MRPL1: variants seen among roughly 807,000 people sequenced by gnomAD.
The protein encoded by MRPL1 is large ribosomal subunit protein uL1m.
MRPL1 carries 28 observed loss-of-function variants against 38.0 expected under a neutral mutation model. The observed-to-expected ratio is 0.74, with a 90% confidence interval of 0.55 to 1.01. MRPL1 has a LOEUF of 1.01. Ranked by LOEUF, MRPL1 falls within the 50% of genes least tolerant of loss-of-function variation. The pLI, the probability that MRPL1 is intolerant of heterozygous loss-of-function variation, is 0.00. For synonymous variants in MRPL1, 123 were observed against 126.7 expected, an observed-to-expected ratio of 0.97 and a Z score of 0.20; for missense variants, 358 against 389.8, an observed-to-expected ratio of 0.92 and a Z score of 0.69.
chr4:77,862,841 T>C lies in MRPL1; in HGVS notation c.-8T>C, dbSNP rs774102568. ...ACAATTTCGTGAACGCAATCCGGAGTGCCCAACATGGCGGCGGCCGTAAGG... is the reference window on the plus strand; with the variant it reads ...ACAATTTCGTGAACGCAATCCGGAGCGCCCAACATGGCGGCGGCCGTAAGG... On this transcript the variant is annotated 5_prime_UTR_variant, in exon 1 of 9. Transcript: ENST00000315567. 1.9e-5 allele frequency: 30 copies of C among 1,613,830 alleles called. No individual in the cohort carries two copies. In the South Asian group the frequency reaches 3.3e-4, roughly 18 times the overall value.
At chr4:77,891,613 C>T (rs1191411288) in intron 5 of MRPL1, among the ~76,000 whole-genome samples, 1 of 152,170 alleles carries the variant, frequency 6.6e-6, no homozygotes, top group Non-Finnish European at 1.5e-5. Flanking sequence ...GCCTTGGCCT[C>T]CCAAAATGTT....
intron 7 of MRPL1, among the ~76,000 whole-genome samples, chr4:77,934,549 G>A (rs921932647): frequency 6.6e-5 from 10 of 152,096 alleles, no homozygotes; most frequent in African/African-American, 1.2e-4. Flanking sequence ...AAGTGTTGAC[G>A]AGGATATAGG....
chr4:77,942,997 G>A (rs1161114529), intron 7 of MRPL1, among the ~76,000 whole-genome samples: 1 of 152,070 alleles, frequency 6.6e-6, no homozygotes, highest in Non-Finnish European at 1.5e-5. Context: ...TTTTAAGGAG[G>A]TTCATTTTGG....
intron 7 of MRPL1, among the ~76,000 whole-genome samples, chr4:77,916,959 T>C (rs1736436457): frequency 6.6e-6 from 1 of 152,244 alleles, no homozygotes; most frequent in Non-Finnish European, 1.5e-5. Context: ...CTTTATACCC[T>C]CACTAGCATT....
intron 5 of MRPL1, among the ~76,000 whole-genome samples, chr4:77,893,662 T>A (rs1423910466): frequency 6.6e-6 from 1 of 152,194 alleles, no homozygotes; most frequent in East Asian, 1.9e-4. Flanking sequence ...TTTCAGTTCT[T>A]TGTGAAAGTA....
At chr4:77,949,719 A>G in intron 7 of MRPL1, 78 bp from the exon 8 acceptor site, 2 of 1,017,584 alleles carry the variant, frequency 2.0e-6, no homozygotes, top group South Asian at 3.1e-5. Context: ...TTGGTTGACT[A>G]TTTGAAAAAT....
chr4:77,880,291 G>T, intron 2 of MRPL1, among the ~76,000 whole-genome samples: 1 of 152,118 alleles, frequency 6.6e-6, no homozygotes, highest in African/African-American at 2.4e-5. Flanking sequence ...ACATTCTTTA[G>T]CTCATGGCCC....
intron 1 of MRPL1, among the ~76,000 whole-genome samples, chr4:77,870,682 G>A (rs767296283): frequency 6.6e-6 from 1 of 152,166 alleles, no homozygotes; most frequent in Non-Finnish European, 1.5e-5. Context: ...TTTCTAAAAA[G>A]ATGCATAAGG....
chr4:77,951,745 C>T (rs907071911), intron 8 of MRPL1, among the ~76,000 whole-genome samples: 10 of 152,086 alleles, frequency 6.6e-5, no homozygotes, highest in African/African-American at 1.7e-4. Context: ...GGTTTCCTCC[C>T]GCATCCCAAA....
At chr4:77,871,357 T>C (rs1414153786) in intron 1 of MRPL1, among the ~76,000 whole-genome samples, 3 of 151,354 alleles carry the variant, frequency 2.0e-5, no homozygotes, top group Admixed American at 1.3e-4. Context: ...CAGGCTGGAG[T>C]GCGGTGGCGC....
chr4:77,919,028 A>T (rs1359938409), intron 7 of MRPL1, among the ~76,000 whole-genome samples: 1 of 152,232 alleles, frequency 6.6e-6, no homozygotes, highest in Non-Finnish European at 1.5e-5. Flanking sequence ...AAAATGACAG[A>T]ATTAACTGTC....
chr4:77,873,201 T>C (rs1735322648), intron 2 of MRPL1, among the ~76,000 whole-genome samples: 1 of 152,202 alleles, frequency 6.6e-6, no homozygotes, highest in African/African-American at 2.4e-5. Context: ...ATAGCATATG[T>C]TAGTTCTTTT....
intron 4 of MRPL1, among the ~76,000 whole-genome samples, chr4:77,886,730 C>A (rs1232193750): frequency 1.3e-5 from 2 of 151,652 alleles, no homozygotes; most frequent in Non-Finnish European, 2.9e-5. Context: ...ATCCTCTTGA[C>A]TCAGCCTGCC....
At chr4:77,878,802 C>T (rs1363083949) in intron 2 of MRPL1, among the ~76,000 whole-genome samples, 1 of 152,106 alleles carries the variant, frequency 6.6e-6, no homozygotes, top group Non-Finnish European at 1.5e-5. Flanking sequence ...CCGCTTGAAC[C>T]TGGGAGGCGG....
At chr4:77,910,148 CT>C (rs1736253312) in intron 7 of MRPL1, among the ~76,000 whole-genome samples, 1 of 152,110 alleles carries the variant, frequency 6.6e-6, no homozygotes, top group Non-Finnish European at 1.5e-5. Context: ...ATGATCACCC[CT>C]GTCTTATAGA....
At chr4:77,941,139 C>T (rs1192862787) in intron 7 of MRPL1, among the ~76,000 whole-genome samples, 5 of 152,086 alleles carry the variant, frequency 3.3e-5, no homozygotes, top group Admixed American at 3.3e-4. Context: ...GTGGCACATG[C>T]CTGTAATCCC....
intron 5 of MRPL1, among the ~76,000 whole-genome samples, chr4:77,892,278 C>T (rs1177386004): frequency 2.0e-5 from 3 of 151,862 alleles, no homozygotes; most frequent in African/African-American, 7.3e-5. Flanking sequence ...ATTACAGGCA[C>T]CTGCCACCAC....
chr4:77,909,791 A>T (rs988329777), intron 7 of MRPL1, among the ~76,000 whole-genome samples: 1 of 152,174 alleles, frequency 6.6e-6, no homozygotes, highest in African/African-American at 2.4e-5. Context: ...TTAATGAATT[A>T]TGTCCAATTT....
At chr4:77,883,546 T>A in intron 3 of MRPL1, 46 bp downstream of exon 3, 2 of 1,480,834 alleles carry the variant, frequency 1.4e-6, no homozygotes, top group Non-Finnish European at 1.8e-6. Flanking sequence ...ACAGTGGCTG[T>A]ATGAATTGGT....
Sources: allele counts gnomAD v4.1 joint callset (sites outside exome capture counted in the v4.1 genomes callset), GRCh38; gene constraint gnomAD v4.1.1; transcripts MANE v1.5; gene names NCBI Gene and HGNC (gene_info 2026-07-23, HGNC 2026-07-21).